The following HDAC9 variants were observed in gnomAD, a reference collection of about 807,000 sequenced individuals.
The protein encoded by HDAC9 is MEF-2 interacting transcription repressor (MITR) protein.
HDAC9 carries 41 observed loss-of-function variants against 139.4 expected under a neutral mutation model. That is an observed-to-expected ratio of 0.29 (90% CI 0.23 to 0.38). The LOEUF is 0.38. HDAC9 is among the 10% of genes least tolerant of loss of function. The pLI is 1.00. For synonymous variants in HDAC9, 517 were observed against 476.2 expected (o/e 1.09, Z -1.12); for missense variants, 1,147 against 1,297.0 (o/e 0.88, Z 1.78).
chr7:18,538,221 C>T (rs908934876), intron 2 of HDAC9, among the ~76,000 whole-genome samples: 1 of 152,174 alleles, frequency 6.6e-6, no homozygotes, highest in African/African-American at 2.4e-5. Flanking sequence ...TGTTCCTAGA[C>T]TTGATGATGT....
intron 23 of HDAC9, 81 bp downstream of exon 23, chr7:18,936,023 C>A: frequency 7.3e-7 from 1 of 1,367,104 alleles, no homozygotes; most frequent in Non-Finnish European, 1.0e-6. Context: ...AAAAAAAATT[C>A]TGCATACTCA....
chr7:18,730,698 T>C (rs1417116611), intron 13 of HDAC9, among the ~76,000 whole-genome samples: 1 of 152,220 alleles, frequency 6.6e-6, no homozygotes, highest in Admixed American at 6.5e-5. Flanking sequence ...GTGTGAGGTG[T>C]GGTGGGACAG....
At chr7:18,285,246 CCTTT>C (rs760741787) in intron 2 of HDAC9, among the ~76,000 whole-genome samples, 2 of 151,930 alleles carry the variant, frequency 1.3e-5, no homozygotes, top group Non-Finnish European at 2.9e-5. Context: ...TTTTCTATCC[CCTTT>C]CTTACTCAGT....
chr7:18,198,566 T>G (rs982926682), intron 2 of HDAC9, among the ~76,000 whole-genome samples: 1 of 152,186 alleles, frequency 6.6e-6, no homozygotes, highest in African/African-American at 2.4e-5. Context: ...ATATCCATTT[T>G]TAATTTATGC....
chr7:18,497,976 G>A (rs905439791), intron 2 of HDAC9, among the ~76,000 whole-genome samples: 2 of 151,998 alleles, frequency 1.3e-5, no homozygotes, highest in African/African-American at 4.8e-5. Context: ...CATTTTCCTA[G>A]CATTTAATGG....
chr7:18,254,320 C>T (rs974538405), intron 2 of HDAC9, among the ~76,000 whole-genome samples: 2 of 152,160 alleles, frequency 1.3e-5, no homozygotes, highest in African/African-American at 4.8e-5. Context: ...GCCATACACC[C>T]TTGGACTATT....
intron 1 of HDAC9, among the ~76,000 whole-genome samples, chr7:18,351,420 A>G (rs976415993): frequency 6.6e-6 from 1 of 152,120 alleles, no homozygotes; most frequent in Non-Finnish European, 1.5e-5. Context: ...TAAGTTTCCT[A>G]TGTGTTATGA....
intron 2 of HDAC9, among the ~76,000 whole-genome samples, chr7:18,255,901 A>AT (rs1795209348): frequency 6.6e-6 from 1 of 152,112 alleles, no homozygotes; most frequent in African/African-American, 2.4e-5. Context: ...TGTTGGGATT[A>AT]TAGGTGTGAG....
chr7:18,400,268 A>T (rs1787415699), intron 1 of HDAC9, among the ~76,000 whole-genome samples: 1 of 152,208 alleles, frequency 6.6e-6, no homozygotes, highest in Non-Finnish European at 1.5e-5. Flanking sequence ...AAAGCATGCG[A>T]TGTGTAGGTG....
In HDAC9 at chr7:19,001,696, T is replaced by A. The variant is rs547860125; in HGVS notation, c.*5634T>A. 6.6e-6 allele frequency: 1 copy of A among 152,184 alleles called. No homozygotes were observed. Among genetic ancestry groups the A allele is most frequent in the East Asian group, 1.9e-4 (1 of 5,188 alleles). The allele number at this position is 152,184 out of a possible 1,614,324, so 9.4% of individuals were successfully genotyped here. A position where few individuals can be genotyped will look rare whatever the true frequency, so the allele number is the denominator to read the frequency against. On this transcript the variant is annotated 3_prime_UTR_variant, in exon 26 of 26. Coordinates refer to ENST00000686413, the MANE Select transcript of HDAC9 (RefSeq NM_178425.4). ...TCAAATTCTTTCTGGGGAAGCAACG[T>A]CAGTGTCTACCTCCACAGTAACTAT...
At chr7:18,641,895 G>A (rs1785722206) in intron 8 of HDAC9, among the ~76,000 whole-genome samples, 1 of 152,098 alleles carries the variant, frequency 6.6e-6, no homozygotes, top group South Asian at 2.1e-4. Flanking sequence ...ATGGCTCCAG[G>A]TCTTATTAAG....
At chr7:18,743,581 T>C (rs532560028) in intron 13 of HDAC9, among the ~76,000 whole-genome samples, 1 of 149,696 alleles carries the variant, frequency 6.7e-6, no homozygotes, top group Admixed American at 6.7e-5. Flanking sequence ...CACTCCAGCC[T>C]GGGCAACAGA....
chr7:18,790,706 TA>T (rs1454568925), intron 16 of HDAC9, among the ~76,000 whole-genome samples: 1 of 152,162 alleles, frequency 6.6e-6, no homozygotes, highest in African/African-American at 2.4e-5. Context: ...AGGTAAAACA[TA>T]GGTTGAGGTG....
chr7:18,513,874 AC>A (rs1482308623), intron 2 of HDAC9, among the ~76,000 whole-genome samples: 5 of 152,310 alleles, frequency 3.3e-5, no homozygotes, highest in Non-Finnish European at 5.9e-5. Context: ...TGGGCAAATA[AC>A]CCCAGTAATT....
At chr7:18,408,556 A>G (rs1210153555) in intron 1 of HDAC9, among the ~76,000 whole-genome samples, 2 of 152,198 alleles carry the variant, frequency 1.3e-5, no homozygotes, top group Non-Finnish European at 2.9e-5. Context: ...CCAATTTCTT[A>G]ATATGGCAGT....
chr7:18,678,046 T>A (rs1781637162), intron 12 of HDAC9, among the ~76,000 whole-genome samples: 1 of 151,908 alleles, frequency 6.6e-6, no homozygotes, highest in South Asian at 2.1e-4. Context: ...CACCTCTTTT[T>A]TTGAAAAGAT....
At chr7:18,710,320 G>T (rs1184347883) in intron 12 of HDAC9, among the ~76,000 whole-genome samples, 1 of 152,104 alleles carries the variant, frequency 6.6e-6, no homozygotes, top group East Asian at 1.9e-4. Flanking sequence ...AAGGATTTTG[G>T]TTATCTGTGA....
At position 18,225,358 on chromosome 7, in the gene HDAC9, C is replaced by T. The variant is rs146166742; in HGVS notation, c.25+63009C>T. Among the ~76,000 whole-genome samples, 1,026 of 152,208 alleles carry T rather than the reference C, an allele frequency of 6.7e-3. 12 individuals carry two copies. The highest frequency in any genetic ancestry group is 0.023 in the African/African-American group (973 of 41,508). ...AAAACCTCCTGTTTAAAAATACATCCCAAAAGACTTCTGCTTATTGCACAT... is the reference window on the plus strand; with the variant it reads ...AAAACCTCCTGTTTAAAAATACATCTCAAAAGACTTCTGCTTATTGCACAT... On this transcript the variant is annotated intron_variant, in intron 2 of 12. Coordinates refer to the HDAC9 transcript ENST00000417496.
At chr7:18,686,624 C>T (rs1464080345) in intron 12 of HDAC9, among the ~76,000 whole-genome samples, 1 of 151,900 alleles carries the variant, frequency 6.6e-6, no homozygotes, top group African/African-American at 2.4e-5. Context: ...CTTAGAATAT[C>T]TAGAGAAACA....
Sources: allele counts gnomAD v4.1 joint callset (sites outside exome capture counted in the v4.1 genomes callset), GRCh38; gene constraint gnomAD v4.1.1; transcripts MANE v1.5; gene names NCBI Gene and HGNC (gene_info 2026-07-23, HGNC 2026-07-21).